Variants in GULP1 observed in about 807,000 individuals in gnomAD.
The protein encoded by GULP1 is GULP PTB domain containing engulfment adaptor 1.
In GULP1, 19 loss-of-function variants were observed where a neutral mutation model predicts 40.9. That is an observed-to-expected ratio of 0.46 (90% confidence interval 0.32 to 0.68). The LOEUF is 0.68. Among genes scored for constraint, GULP1 ranks in the 30% least tolerant of loss-of-function variants. The probability of loss-of-function intolerance (pLI) is 0.03; values close to 1 mark genes in which losing one functional copy is unlikely to be tolerated. For synonymous variants in GULP1, 119 were observed against 117.6 expected, an observed-to-expected ratio of 1.01 and a Z score of -0.08; for missense variants, 312 against 362.2, an observed-to-expected ratio of 0.86 and a Z score of 1.12.
Position 188,384,604 on chromosome 2 carries a change from G to A in GULP1, c.-45+715G>A, listed in dbSNP as rs115820171. ...CCCCAAAGTCTTAACTCATTTCAGC[G>A]TCAACTCAAAAGTCCACAATCCAGA... On this transcript the variant is annotated intron_variant, in intron 2 of 11. Transcript: ENST00000409830. 1.1e-3 allele frequency among the ~76,000 whole-genome samples: 171 copies of A among 152,174 alleles called. 1 individual carries two copies. The highest frequency in any genetic ancestry group is 1.9e-3 in the Non-Finnish European group (126 of 68,028).
intron 4 of GULP1, among the ~76,000 whole-genome samples, chr2:188,512,533 A>G (rs962642306): frequency 1.3e-5 from 2 of 152,080 alleles, no homozygotes; most frequent in Admixed American, 6.6e-5. Context: ...GTAACTCTTT[A>G]GCTATTTAAT....
At chr2:188,304,667 A>T (rs377674800) in intron 1 of GULP1, among the ~76,000 whole-genome samples, 11 of 152,162 alleles carry the variant, frequency 7.2e-5, no homozygotes, top group African/African-American at 2.7e-4. Context: ...TTCCTGGCAG[A>T]TGCTCGATTC....
chr2:188,317,601 T>G (rs1301098640), intron 1 of GULP1, among the ~76,000 whole-genome samples: 1 of 152,048 alleles, frequency 6.6e-6, no homozygotes, highest in Non-Finnish European at 1.5e-5. Context: ...CACTTACTGA[T>G]AGAGTATGAG....
At chr2:188,315,873 T>C (rs1368708646) in intron 1 of GULP1, among the ~76,000 whole-genome samples, 1 of 152,120 alleles carries the variant, frequency 6.6e-6, no homozygotes, top group Non-Finnish European at 1.5e-5. Context: ...AATATCTTAA[T>C]ATTTTCAGAC....
intron 9 of GULP1, among the ~76,000 whole-genome samples, chr2:188,572,669 T>G (rs55851009): frequency 0.036 from 5,442 of 152,280 alleles, 324 homozygotes; most frequent in African/African-American, 0.12. Context: ...TATCATATGA[T>G]TTTTTAAATT....
intron 1 of GULP1, among the ~76,000 whole-genome samples, chr2:188,303,745 C>T (rs181442638): frequency 1.2e-3 from 181 of 152,234 alleles, no homozygotes; most frequent in Non-Finnish European, 1.0e-4. Context: ...ACAAGACCTC[C>T]TACATTACTG....
chr2:188,510,882 CA>C (rs944157848), intron 4 of GULP1, among the ~76,000 whole-genome samples: 8 of 151,340 alleles, frequency 5.3e-5, no homozygotes, highest in Non-Finnish European at 1.2e-4. Flanking sequence ...AACCAAAACC[CA>C]AATCCTAGTG....
intron 1 of GULP1, among the ~76,000 whole-genome samples, chr2:188,340,710 C>T (rs779805717): frequency 1.2e-4 from 18 of 152,042 alleles, no homozygotes; most frequent in Admixed American, 2.0e-4. Context: ...CCGTCACACC[C>T]GAGCTCTTTT....
chr2:188,489,661 C>G (rs551907887), intron 4 of GULP1, among the ~76,000 whole-genome samples: 1 of 151,948 alleles, frequency 6.6e-6, no homozygotes, highest in East Asian at 1.9e-4. Context: ...GATCTGTTAT[C>G]ACTTGGAATT....
At chr2:188,433,603 C>T (rs529702361) in intron 2 of GULP1, among the ~76,000 whole-genome samples, 3 of 152,154 alleles carry the variant, frequency 2.0e-5, no homozygotes, top group Non-Finnish European at 4.4e-5. Context: ...ATCTCTCAGT[C>T]GAGGGGCTTT....
At chr2:188,308,695 AC>A (rs1487716428) in intron 1 of GULP1, among the ~76,000 whole-genome samples, 2 of 152,330 alleles carry the variant, frequency 1.3e-5, no homozygotes, top group Non-Finnish European at 2.9e-5. Context: ...TCCTTACCAG[AC>A]ATTCCCATGG....
chr2:188,376,292 GA>G (rs2048290541), intron 1 of GULP1, among the ~76,000 whole-genome samples: 1 of 152,194 alleles, frequency 6.6e-6, no homozygotes, highest in Non-Finnish European at 1.5e-5. Context: ...AAACACCTGT[GA>G]TAATGACTTA....
intron 4 of GULP1, among the ~76,000 whole-genome samples, chr2:188,502,958 A>T (rs1188796997): frequency 6.6e-6 from 1 of 151,912 alleles, no homozygotes; most frequent in Non-Finnish European, 1.5e-5. Flanking sequence ...CTGTGTCCTC[A>T]CATGGCAGAA....
At position 188,595,058 on chromosome 2, in the gene GULP1, C is replaced by T. The variant is rs1259810750; in HGVS notation, c.*1047C>T. 4.9e-4 allele frequency: 41 copies of T among 83,108 alleles called. No individual in the cohort carries two copies. Among genetic ancestry groups the T allele is most frequent in the African/African-American group, 1.5e-3 (38 of 25,670 alleles). 5.1% of individuals were successfully genotyped at this position (83,108 alleles called of 1,614,324 possible). On this transcript the variant is annotated 3_prime_UTR_variant, in exon 12 of 12. Transcript: ENST00000409830. ...TTGTTAAAGTCAAAAATCTCATTTT[C>T]CAAAAAAAAAAAAAAAACCCAGTTA...
At chr2:188,430,448 G>T (rs551999273) in intron 2 of GULP1, among the ~76,000 whole-genome samples, 3 of 152,306 alleles carry the variant, frequency 2.0e-5, no homozygotes, top group Non-Finnish European at 2.9e-5. Flanking sequence ...AAAAGAGAAT[G>T]TGAGTTAATC....
At chr2:188,350,826 G>A (rs909390358) in intron 1 of GULP1, among the ~76,000 whole-genome samples, 4 of 152,046 alleles carry the variant, frequency 2.6e-5, no homozygotes, top group African/African-American at 9.7e-5. Context: ...ATTTTGTAAC[G>A]TAGATGTCAG....
rs2034613559 is a variant in GULP1 at position 188,294,990 on chromosome 2, C to T, written c.-172+2824C>T. ...TAATCATAGCTTTAATTTAATCATACATTTTAATTTTTGAGGATATAAGGG... is the reference window on the plus strand; with the variant it reads ...TAATCATAGCTTTAATTTAATCATATATTTTAATTTTTGAGGATATAAGGG... On this transcript the variant is annotated intron_variant, in intron 1 of 11. Coordinates refer to ENST00000409830, the MANE Select transcript of GULP1 (RefSeq NM_016315.4). Among the ~76,000 whole-genome samples the T allele has an allele frequency of 2.6e-5, 4 of 152,226 alleles. No individual in the cohort carries two copies. In the South Asian group the frequency reaches 8.3e-4, roughly 32 times the overall value.
intron 2 of GULP1, among the ~76,000 whole-genome samples, chr2:188,388,309 G>A (rs899761822): frequency 1.7e-4 from 25 of 149,712 alleles, no homozygotes; most frequent in East Asian, 9.9e-4. Flanking sequence ...CAGGTGGATC[G>A]CTTGAGGACA....
intron 3 of GULP1, among the ~76,000 whole-genome samples, chr2:188,479,704 C>T (rs1217224201): frequency 2.0e-5 from 3 of 152,036 alleles, no homozygotes; most frequent in African/African-American, 4.8e-5. Context: ...TCCTCCTTTC[C>T]TATCACTTTA....
Sources: allele counts gnomAD v4.1 joint callset (sites outside exome capture counted in the v4.1 genomes callset), GRCh38; gene constraint gnomAD v4.1.1; transcripts MANE v1.5; gene names NCBI Gene and HGNC (gene_info 2026-07-23, HGNC 2026-07-21).